Variants in STOX2 observed in about 807,000 individuals in gnomAD.
STOX2 encodes storkhead box 2.
A neutral mutation model predicts 60.9 loss-of-function variants in STOX2; 28 were observed. The ratio of observed to expected loss-of-function variants is 0.46; its 90% CI spans 0.34 to 0.63. The LOEUF is 0.63. STOX2 is among the 30% of genes least tolerant of loss of function. The probability of loss-of-function intolerance (pLI) is 0.01; values close to 1 mark genes in which losing one functional copy is unlikely to be tolerated. For synonymous variants in STOX2, 472 were observed against 463.9 expected, an observed-to-expected ratio of 1.02 and a Z score of -0.22; for missense variants, 1,024 against 1,187.7, an observed-to-expected ratio of 0.86 and a Z score of 2.03.
intron 1 of STOX2, among the ~76,000 whole-genome samples, chr4:183,928,757 A>G (rs1742318321): frequency 6.6e-6 from 1 of 151,420 alleles, no homozygotes; most frequent in Admixed American, 6.6e-5. Context: ...GTGAGCCGAG[A>G]TCACACCACT....
rs1025939222 is a variant in STOX2 at position 183,809,345 on chromosome 4, C to T, written c.364+11290C>T. On this transcript the variant is annotated intron_variant, in intron 1 of 2. Transcript: ENST00000513034. ...TCAAGTGATCCTCTCGCCTTGGCCT[C>T]CCAAAGTGCTGGGATTACAGGCGTG... Among the ~76,000 whole-genome samples the T allele has an allele frequency of 5.9e-5, 9 of 152,262 alleles. No homozygotes were observed. In the East Asian group the frequency reaches 1.4e-3, roughly 23 times the overall value.
chr4:184,006,336 A>T (rs1470904733), intron 2 of STOX2, among the ~76,000 whole-genome samples: 1 of 152,178 alleles, frequency 6.6e-6, no homozygotes. Context: ...TGGGCTTGTT[A>T]TCTTGATTGC....
intron 1 of STOX2, among the ~76,000 whole-genome samples, chr4:183,879,145 A>G (rs1740897387): frequency 6.6e-6 from 1 of 152,184 alleles, no homozygotes; most frequent in Non-Finnish European, 1.5e-5. Flanking sequence ...AGACGTGTGT[A>G]TGGGGTGAAG....
chr4:183,944,222 C>T (rs914918259), intron 1 of STOX2, among the ~76,000 whole-genome samples: 9 of 152,166 alleles, frequency 5.9e-5, no homozygotes, highest in Non-Finnish European at 1.0e-4. Context: ...CTTGGCCCTG[C>T]GGGGCTTAAT....
chr4:183,986,772 G>T (rs866023474), intron 1 of STOX2, among the ~76,000 whole-genome samples: 8 of 152,224 alleles, frequency 5.3e-5, no homozygotes, highest in African/African-American at 1.9e-4. Context: ...ACTCACAGGG[G>T]GGCCTTTGCC....
rs767455742 is a variant in STOX2 at position 184,009,341 on chromosome 4, CTCA to C, written c.504_506del (p.Gln169del). The C allele has an allele frequency of 6.2e-7, 1 of 1,613,972 alleles. No individual in the cohort carries two copies. ...TTGGACGAGAGGATACCTGACCGGT[CTCA>C]GTGCACCTCTCCGCAACCCGGGACC... On this transcript the variant is annotated inframe_deletion, in exon 3 of 4. Coordinates refer to ENST00000308497, the MANE Select transcript of STOX2 (RefSeq NM_020225.3). The surrounding 1 kb of genome is among the most constrained non-coding windows in gnomAD (Gnocchi z 4.0).
chr4:183,813,649 AT>A (rs1356846993), intron 1 of STOX2, among the ~76,000 whole-genome samples: 2 of 152,140 alleles, frequency 1.3e-5, no homozygotes, highest in African/African-American at 4.8e-5. Context: ...TTAGATTGTA[AT>A]TCCTTTGAGG....
intron 2 of STOX2, among the ~76,000 whole-genome samples, chr4:184,007,045 A>C (rs7439725): frequency 0.35 from 40,441 of 116,476 alleles, 7,861 homozygotes; most frequent in South Asian, 0.39. Flanking sequence ...AAACAAAAAA[A>C]AAATTTTGTT....
chr4:183,982,165 A>G (rs568884136), intron 1 of STOX2, among the ~76,000 whole-genome samples: 118 of 152,326 alleles, frequency 7.7e-4, no homozygotes, highest in Admixed American at 1.8e-3. Flanking sequence ...ATGATGTACT[A>G]GATGTTTTTC....
At chr4:183,970,360 G>A (rs562818404) in intron 1 of STOX2, among the ~76,000 whole-genome samples, 1 of 152,208 alleles carries the variant, frequency 6.6e-6, no homozygotes, top group South Asian at 2.1e-4. Context: ...CAGTCTAAAT[G>A]ATTGCCCAGC....
chr4:184,005,922 C>T (rs1485228511), intron 2 of STOX2, among the ~76,000 whole-genome samples: 1 of 151,910 alleles, frequency 6.6e-6, no homozygotes, highest in Non-Finnish European at 1.5e-5. Flanking sequence ...ACCTGGAAAC[C>T]CAAGACATAA....
intron 1 of STOX2, among the ~76,000 whole-genome samples, chr4:183,953,571 C>A (rs1006947380): frequency 1.0e-5 from 1 of 97,628 alleles, no homozygotes; most frequent in African/African-American, 5.0e-5. Context: ...GATTATTATC[C>A]CTGATTTTTT....
At chr4:184,007,776 T>C (rs72697714) in intron 2 of STOX2, among the ~76,000 whole-genome samples, 1,997 of 152,316 alleles carry the variant, frequency 0.013, 23 homozygotes, top group Middle Eastern at 0.02. Flanking sequence ...TCTGTGTGTC[T>C]CCTCACACTG....
intron 1 of STOX2, among the ~76,000 whole-genome samples, chr4:183,844,514 T>G (rs1739941989): frequency 6.6e-6 from 1 of 152,216 alleles, no homozygotes; most frequent in African/African-American, 2.4e-5. Context: ...ACAATTTGGT[T>G]GTCAAATTGT....
chr4:183,862,208 C>G (rs556281025), intron 1 of STOX2, among the ~76,000 whole-genome samples: 2 of 152,312 alleles, frequency 1.3e-5, no homozygotes, highest in South Asian at 4.1e-4. Flanking sequence ...CAGAGTCTCA[C>G]TCTGTCACCC....
At chr4:183,888,653 C>T (rs578170262) in intron 1 of STOX2, among the ~76,000 whole-genome samples, 2 of 152,344 alleles carry the variant, frequency 1.3e-5, no homozygotes, top group Non-Finnish European at 2.9e-5. Context: ...GTGGTTACTT[C>T]TTATTCTGAC....
At chr4:183,816,324 A>G (rs982019939) in intron 1 of STOX2, among the ~76,000 whole-genome samples, 1 of 152,270 alleles carries the variant, frequency 6.6e-6, no homozygotes, top group Non-Finnish European at 1.5e-5. Flanking sequence ...AGCCATAAAC[A>G]AGAATGAAAT....
chr4:183,956,647 G>C (rs1743259641), intron 1 of STOX2, among the ~76,000 whole-genome samples: 1 of 152,048 alleles, frequency 6.6e-6, no homozygotes, highest in African/African-American at 2.4e-5. Context: ...GTTGATCATT[G>C]ATATGATACT....
chr4:183,943,416 T>C (rs1742802763), intron 1 of STOX2, among the ~76,000 whole-genome samples: 1 of 152,218 alleles, frequency 6.6e-6, no homozygotes, highest in Non-Finnish European at 1.5e-5. Context: ...AGTTTCATTT[T>C]CCACAGAGAA....
Sources: gnomAD v4.1 joint callset for allele counts (sites outside exome capture counted in the v4.1 genomes callset) on GRCh38, gnomAD v4.1.1 for gene constraint, Gnocchi (gnomAD v3.1) non-coding constraint, MANE v1.5 for transcripts, NCBI Gene and HGNC (gene_info 2026-07-23, HGNC 2026-07-21) for gene names.